The following MARCHF7 variants were observed in gnomAD, a reference collection of about 807,000 sequenced individuals.
MARCHF7 encodes membrane associated ring-CH-type finger 7.
A neutral mutation model predicts 76.5 loss-of-function variants in MARCHF7; 20 were observed. The ratio of observed to expected loss-of-function variants is 0.26; its 90% CI spans 0.18 to 0.38. The LOEUF (loss-of-function observed/expected upper bound fraction) is 0.38. MARCHF7 is among the 10% of genes least tolerant of loss of function. The pLI, the probability that MARCHF7 is intolerant of heterozygous loss-of-function variation, is 1.00. For synonymous variants in MARCHF7, 295 were observed against 293.0 expected (o/e 1.01, Z -0.07); for missense variants, 797 against 812.9 (o/e 0.98, Z 0.24).
intron 4 of MARCHF7, among the ~76,000 whole-genome samples, chr2:159,729,451 A>G (rs1702527650): frequency 1.3e-5 from 2 of 152,228 alleles, no homozygotes; most frequent in South Asian, 4.1e-4. Flanking sequence ...CTGGCAGATC[A>G]TTTGAGGTCA....
In MARCHF7 at chr2:159,748,856, A is replaced by G; in HGVS notation, c.1566A>G (p.Lys522=). Residue 522 remains lysine, a synonymous_variant, in exon 7 of 12, where the codon AAA becomes AAG. Coordinates refer to ENST00000409175, the MANE Select transcript of MARCHF7 (RefSeq NM_001282805.2). ...CTGATGGTAAAAGTGATAAAACTAA[A>G]AGTGCGCCTTCAAGAGATCCAGAAA... The part of the protein sequence containing the change: ...NSADGKSDKT[K]SAPSRDPERL... 6.2e-7 allele frequency: 1 copy of G among 1,613,710 alleles called. No homozygotes were observed. Among genetic ancestry groups the G allele is most frequent in the Non-Finnish European group, 8.5e-7 (1 of 1,179,846 alleles).
chr2:159,725,442 A>G, intron 3 of MARCHF7, among the ~76,000 whole-genome samples: 1 of 152,184 alleles, frequency 6.6e-6, no homozygotes, highest in Non-Finnish European at 1.5e-5. Flanking sequence ...AGTGATGATG[A>G]GCATTTTTTC....
rs1158289349 is a variant in MARCHF7, at chr2:159,733,523, C to T, written c.153+4348C>T. The T allele has an allele frequency of 5.1e-6, 5 of 981,294 alleles. No individual in the cohort carries two copies. The African/African-American group carries it at 8.9e-5, about 18-fold the overall frequency. The allele number at this position is 981,294 out of a possible 1,614,324, so 60.8% of individuals were successfully genotyped here. ...AAGGTGCTGGGATTACAGGCATGAG[C>T]TACTGCACCTGGCCAGAGGCAACAT... is the stretch of plus-strand genomic sequence containing the variant. On this transcript the variant is annotated intron_variant, in intron 4 of 11. Coordinates refer to ENST00000409175, the MANE Select transcript of MARCHF7 (RefSeq NM_001282805.2).
chr2:159,754,093 T>TA (rs1206020699), intron 8 of MARCHF7, among the ~76,000 whole-genome samples: 2 of 152,232 alleles, frequency 1.3e-5, no homozygotes, highest in East Asian at 3.8e-4. Flanking sequence ...TTTCAGGAGA[T>TA]ACACTGAAAG....
chr2:159,743,802 A>G (rs550923175), intron 5 of MARCHF7, among the ~76,000 whole-genome samples: 24 of 150,644 alleles, frequency 1.6e-4, no homozygotes, highest in African/African-American at 5.6e-4. Flanking sequence ...CAGCCACTTG[A>G]GGGGCTGAGG....
intron 8 of MARCHF7, among the ~76,000 whole-genome samples, chr2:159,754,306 A>C (rs2125654997): frequency 6.6e-6 from 1 of 152,336 alleles, no homozygotes; most frequent in Admixed American, 6.5e-5. Context: ...GCAAGCCAAA[A>C]GAAGAATGCT....
intron 11 of MARCHF7, 117 bp downstream of exon 11, chr2:159,764,791 A>G: frequency 1.8e-6 from 1 of 567,420 alleles, no homozygotes; most frequent in Non-Finnish European, 3.0e-6. Flanking sequence ...TAGGCTTAGT[A>G]ATACCAAAAT....
rs1705127308 is a variant in MARCHF7, at chr2:159,748,137, C to T, written c.847C>T (p.Leu283=). The T allele has an allele frequency of 1.9e-6, 3 of 1,613,772 alleles. No individual in the cohort carries two copies. The highest frequency in any genetic ancestry group is 1.7e-5 in the Admixed American group (1 of 59,934). The change falls in exon 7 of 12, where the codon CTG becomes TTG. Residue 283 remains leucine (L), a synonymous_variant. Transcript: ENST00000409175. ...NEGRRTTRRL[L]SRIASSMSST... Reference sequence around the variant, plus strand: ...AGGTAGGCGGACAACGAGGAGATTGCTGTCACGCATAGCTTCTAGCATGTC... The same window carrying T: ...AGGTAGGCGGACAACGAGGAGATTGTTGTCACGCATAGCTTCTAGCATGTC...
chr2:159,748,812 C>A lies in MARCHF7; in HGVS notation c.1522C>A (p.Pro508Thr), dbSNP rs753718507. 1 of 1,614,072 alleles carries A rather than the reference C, an allele frequency of 6.2e-7. No homozygotes were observed. Among genetic ancestry groups the A allele is most frequent in the Non-Finnish European group, 8.5e-7 (1 of 1,180,024 alleles). Residue 508 changes from proline to threonine, a missense_variant, in exon 7 of 12, where the codon CCT becomes ACT. Physicochemically the swap from Pro to Thr is conservative, Grantham distance 38. This residue lies in a region of MARCHF7 where 643 missense variants were observed against 631.5 expected (regional missense o/e 1.02). Transcript: ENST00000409175. The stretch of plus-strand genomic sequence containing the variant: ...TGTCATGATCACAGTAGATATTATT[C>A]CTTCAGGTTGGAATTCAGCTGATGG... ...DNVMITVDII[P>T]SGWNSADGKS...
At chr2:159,753,300 G>A (rs552689229) in intron 8 of MARCHF7, among the ~76,000 whole-genome samples, 11 of 152,104 alleles carry the variant, frequency 7.2e-5, no homozygotes, top group Middle Eastern at 3.4e-3. Flanking sequence ...GGCCGGGCGC[G>A]GTGGCTCATG....
At chr2:159,738,418 C>A (rs72961753) in intron 4 of MARCHF7, among the ~76,000 whole-genome samples, 9,343 of 152,202 alleles carry the variant, frequency 0.061, 376 homozygotes, top group Non-Finnish European at 0.09. Flanking sequence ...CTTCGAGTCC[C>A]ACCATTTGGC....
chr2:159,714,794 T>C (rs1700848808), intron 2 of MARCHF7, among the ~76,000 whole-genome samples, 196 bp downstream of exon 2: 1 of 152,140 alleles, frequency 6.6e-6, no homozygotes, highest in African/African-American at 2.4e-5. Flanking sequence ...TGCGCACTGC[T>C]ACTACTAGCT....
intron 7 of MARCHF7, among the ~76,000 whole-genome samples, chr2:159,750,440 G>T (rs1705496457): frequency 6.6e-6 from 1 of 152,150 alleles, no homozygotes; most frequent in South Asian, 2.1e-4. Flanking sequence ...CAGGAGAATT[G>T]CTTGAACCTG....
intron 4 of MARCHF7, chr2:159,732,712 TA>T (rs1702969399): frequency 2.9e-6 from 1 of 348,092 alleles, no homozygotes; most frequent in South Asian, 1.2e-4. Context: ...AAATTTTTCT[TA>T]TAGAGATGGG....
At chr2:159,740,902 G>T (rs145936966) in intron 4 of MARCHF7, among the ~76,000 whole-genome samples, 131 of 152,258 alleles carry the variant, frequency 8.6e-4, no homozygotes, top group African/African-American at 2.9e-3. Flanking sequence ...TATTGGCTGG[G>T]TGCAGTGCCT....
chr2:159,738,249 C>A (rs1325121580), intron 4 of MARCHF7, among the ~76,000 whole-genome samples: 4 of 152,134 alleles, frequency 2.6e-5, no homozygotes, highest in Non-Finnish European at 5.9e-5. Context: ...CTTGGAGACA[C>A]AAGGAACTAC....
In MARCHF7 at chr2:159,733,203, G is replaced by A. The variant is rs184180178; in HGVS notation, c.153+4028G>A. On this transcript the variant is annotated intron_variant, in intron 4 of 11. Transcript: ENST00000409175. ...CATATAGTATGTTTAGTTTTATTTA[G>A]CATTGTTAAGATTACTCAGTGTCAA... The A allele has an allele frequency of 1.3e-4, 108 of 853,766 alleles. No homozygotes were observed. In the African/African-American group the frequency reaches 1.9e-3, roughly 15 times the overall value. The allele number at this position is 853,766 out of a possible 1,614,324, so 52.9% of individuals were successfully genotyped here. A position where few individuals can be genotyped will look rare whatever the true frequency, so the allele number is the denominator to read the frequency against.
At chr2:159,718,395 A>C (rs1344172840) in intron 3 of MARCHF7, among the ~76,000 whole-genome samples, 2 of 152,160 alleles carry the variant, frequency 1.3e-5, no homozygotes, top group Admixed American at 6.5e-5. Context: ...AAAGACTTTT[A>C]GGTGTGGGAG....
intron 4 of MARCHF7, among the ~76,000 whole-genome samples, chr2:159,738,651 G>A (rs1703754623): frequency 6.6e-6 from 1 of 152,154 alleles, no homozygotes; most frequent in South Asian, 2.1e-4. Flanking sequence ...AAGTCAGCCT[G>A]ACATCTGGCT....
Sources: allele counts gnomAD v4.1 joint callset (sites outside exome capture counted in the v4.1 genomes callset), GRCh38; gene constraint gnomAD v4.1.1; regional missense constraint gnomAD v4.1.1; transcripts MANE v1.5; gene names NCBI Gene and HGNC (gene_info 2026-07-23, HGNC 2026-07-21).